The following ZNF385C variants were observed in gnomAD, a reference collection of about 807,000 sequenced individuals.
ZNF385C encodes zinc finger protein 385C, also known as CTD-2132N18.2.
In ZNF385C, 28 loss-of-function variants were observed where a neutral mutation model predicts 35.4. The observed-to-expected ratio is 0.79, with a 90% CI of 0.59 to 1.08. The LOEUF (loss-of-function observed/expected upper bound fraction) is 1.08, where lower values mean the gene tolerates loss of function less well. ZNF385C is among the 50% of genes least tolerant of loss of function. ZNF385C has a pLI of 0.00. For missense variants in ZNF385C, 605 were observed against 595.6 expected (o/e 1.02, Z -0.16); for synonymous variants, 248 against 248.2 (o/e 1.00, Z 0.01).
rs1161011829 is a variant in ZNF385C, at chr17:42,095,975, C to T, written c.-3+2435G>A. Among the ~76,000 whole-genome samples the T allele has an allele frequency of 3.0e-4, 45 of 152,210 alleles. 2 individuals are homozygous for T. Among genetic ancestry groups the T allele is most frequent in the African/African-American group, 7.2e-5 (3 of 41,446 alleles). ...AATATGTTCTAACCTCTCACCCTGA[C>T]AAATACACCTTCATTAACAACCTGG... On this transcript the variant is annotated intron_variant, in intron 1 of 8. Transcript: ENST00000692273. This position sits in a 1 kb window ranked among gnomAD's most constrained non-coding sequence, Gnocchi z 4.4.
chr17:42,090,295 T>C (rs1335704046), intron 1 of ZNF385C, among the ~76,000 whole-genome samples: 1 of 142,886 alleles, frequency 7.0e-6, no homozygotes, highest in African/African-American at 2.6e-5. Flanking sequence ...TTTTTTTTTT[T>C]TTTTTTTTTG....
At chr17:42,049,069 GT>G (rs1322537781) in intron 2 of ZNF385C, among the ~76,000 whole-genome samples, 1 of 152,110 alleles carries the variant, frequency 6.6e-6, no homozygotes, top group African/African-American at 2.4e-5. Context: ...GTGGCCACTT[GT>G]GTCTCCCTTC....
intron 2 of ZNF385C, among the ~76,000 whole-genome samples, chr17:42,044,693 A>T (rs560324026): frequency 1.4e-4 from 21 of 152,174 alleles, no homozygotes; most frequent in African/African-American, 5.1e-4. Context: ...TGCTTTCTCT[A>T]AAGCTCCATT....
intron 4 of ZNF385C, among the ~76,000 whole-genome samples, chr17:42,033,707 T>G (rs1039351261): frequency 3.3e-5 from 5 of 152,158 alleles, no homozygotes; most frequent in Admixed American, 6.5e-5. Flanking sequence ...GAGCCAAGAT[T>G]GCGCCACTGC....
At position 42,031,564 on chromosome 17, in the gene ZNF385C, G is replaced by A. The variant is rs547112118; in HGVS notation, c.676+55C>T. On this transcript the variant is annotated intron_variant, in intron 5 of 8. Transcript: ENST00000692273. The stretch of plus-strand genomic sequence containing the variant: ...ATAAGCAGAAATCTCTCAACCCCTT[G>A]TCGGAAACCAGATTTGGAGTGGAGA... 5.2e-4 allele frequency: 792 copies of A among 1,514,702 alleles called. 1 individual carries two copies. The highest frequency in any genetic ancestry group is 6.3e-4 in the Non-Finnish European group (704 of 1,124,510). The allele number at this position is 1,514,702 out of a possible 1,614,324, so 93.8% of individuals were successfully genotyped here.
chr17:42,044,057 T>A (rs2053089283), intron 2 of ZNF385C, among the ~76,000 whole-genome samples: 1 of 148,508 alleles, frequency 6.7e-6, no homozygotes, highest in East Asian at 2.0e-4. Context: ...GGCTCACTCC[T>A]ATAATCCCAG....
chr17:42,049,606 C>T (rs556822693), intron 2 of ZNF385C, among the ~76,000 whole-genome samples: 1 of 152,350 alleles, frequency 6.6e-6, no homozygotes, highest in South Asian at 2.1e-4. Context: ...ATTCTATGAC[C>T]TTGCCCAGCC....
At chr17:42,041,073 C>A in intron 2 of ZNF385C, 1 of 1,232,310 alleles carries the variant, frequency 8.1e-7, no homozygotes, top group Middle Eastern at 3.1e-4. Flanking sequence ...AAGTGGCAAA[C>A]AGGGCCAGGC....
chr17:42,037,949 A>T (rs1227514978), intron 2 of ZNF385C, 64 bp from the exon 3 acceptor site: 1 of 1,545,232 alleles, frequency 6.5e-7, no homozygotes, highest in Non-Finnish European at 8.7e-7. Context: ...CCAGAACAAG[A>T]GGCGGGTGGG....
At chr17:42,045,679 G>C (rs1310160586) in intron 2 of ZNF385C, among the ~76,000 whole-genome samples, 2 of 152,134 alleles carry the variant, frequency 1.3e-5, no homozygotes, top group African/African-American at 4.8e-5. Flanking sequence ...GCCCAGTTCA[G>C]GCCCTCACGG....
chr17:42,071,593 T>A lies in ZNF385C; in HGVS notation c.-2-8535A>T, dbSNP rs782446945. Reference sequence around the variant, plus strand: ...GTCCATAGTGGCAACACAGAGCAGCTGCTTGTAAGGTGGGATGGTTGTCTC... The same window carrying A: ...GTCCATAGTGGCAACACAGAGCAGCAGCTTGTAAGGTGGGATGGTTGTCTC... On this transcript the variant is annotated intron_variant, in intron 1 of 8. Coordinates refer to ENST00000692273, the MANE Select transcript of ZNF385C (RefSeq NM_001392013.1). Among the ~76,000 whole-genome samples, 58 of 152,160 alleles carry A rather than the reference T, an allele frequency of 3.8e-4. 1 individual carries two copies. The highest frequency in any genetic ancestry group is 1.3e-4 in the Admixed American group (2 of 15,278).
At position 42,068,190 on chromosome 17, in the gene ZNF385C, T is replaced by C. The variant is rs1318890760; in HGVS notation, c.-2-5132A>G. Among the ~76,000 whole-genome samples the C allele has an allele frequency of 2.0e-5, 3 of 152,172 alleles. No homozygotes were observed. In the East Asian group the frequency reaches 5.8e-4, roughly 29 times the overall value. On this transcript the variant is annotated intron_variant, in intron 1 of 8. Coordinates refer to ENST00000692273, the MANE Select transcript of ZNF385C (RefSeq NM_001392013.1). ...GTGGGCAGTGACGGGGGCACACAGG[T>C]CTGTCTAACCCTGCCCTGAGCATCG...
intron 1 of ZNF385C, among the ~76,000 whole-genome samples, chr17:42,087,172 G>A (rs891024151): frequency 1.4e-4 from 22 of 152,098 alleles, no homozygotes; most frequent in Admixed American, 3.9e-4. Context: ...TAATATCCTT[G>A]TAATAGCCCT....
chr17:42,053,132 A>C (rs573610764), intron 2 of ZNF385C, among the ~76,000 whole-genome samples: 2 of 152,258 alleles, frequency 1.3e-5, no homozygotes, highest in South Asian at 4.2e-4. Flanking sequence ...AGCACTCAGG[A>C]TGTGCAGACT....
At chr17:42,029,114 T>C in intron 5 of ZNF385C, 41 bp from the exon 6 acceptor site, 1 of 1,524,952 alleles carries the variant, frequency 6.6e-7, no homozygotes. Context: ...AAGATGACGC[T>C]GCAGACCACG....
intron 2 of ZNF385C, among the ~76,000 whole-genome samples, chr17:42,047,340 T>G (rs1374521313): frequency 6.6e-6 from 1 of 151,912 alleles, no homozygotes; most frequent in African/African-American, 2.4e-5. Context: ...CCCCGGCTAA[T>G]TTTTTTGAAT....
intron 2 of ZNF385C, among the ~76,000 whole-genome samples, chr17:42,060,759 C>T (rs185643476): frequency 2.6e-5 from 4 of 152,082 alleles, no homozygotes; most frequent in Admixed American, 1.3e-4. Context: ...TCTGTTGCCC[C>T]GGCTGGAGTG....
rs1194126412 is a variant in ZNF385C, at chr17:42,063,548, AAAAAAC to A, written c.-2-496_-2-491del. On this transcript the variant is annotated intron_variant, in intron 1 of 8. Coordinates refer to ENST00000692273, the MANE Select transcript of ZNF385C (RefSeq NM_001392013.1). ...TCCATTTCAGAAAGAAAAAACAAAC[AAAAAAC>A]AAAAACAAAAACAAAAAAACTTGGG... Among the ~76,000 whole-genome samples the A allele has an allele frequency of 5.3e-5, 8 of 152,114 alleles. No homozygotes were observed. In the South Asian group the frequency reaches 6.2e-4, roughly 12 times the overall value.
intron 8 of ZNF385C, 41 bp downstream of exon 8, chr17:42,027,577 C>CAA: frequency 7.4e-7 from 1 of 1,348,854 alleles, no homozygotes; most frequent in Non-Finnish European, 1.0e-6. Flanking sequence ...ACCCTCTCCC[C>CAA]TCCTGACCCA....
Sources: gnomAD v4.1 joint callset for allele counts (sites outside exome capture counted in the v4.1 genomes callset) on GRCh38, gnomAD v4.1.1 for gene constraint, Gnocchi (gnomAD v3.1) non-coding constraint, MANE v1.5 for transcripts, NCBI Gene and HGNC (gene_info 2026-07-23, HGNC 2026-07-21) for gene names.